The following EPN2 variants were observed in gnomAD, a reference collection of about 807,000 sequenced individuals.
The protein encoded by EPN2 is epsin 2.
Under a neutral mutation model 61.7 loss-of-function variants are expected in EPN2, and 34 were observed. That is an observed-to-expected ratio of 0.55 (90% CI 0.42 to 0.73). The LOEUF (loss-of-function observed/expected upper bound fraction) is 0.73. EPN2 is among the 30% of genes least tolerant of loss of function. The pLI is 0.00. For missense variants in EPN2, 714 were observed against 839.2 expected, an observed-to-expected ratio of 0.85 and a Z score of 1.84; for synonymous variants, 349 against 353.6, an observed-to-expected ratio of 0.99 and a Z score of 0.15.
intron 1 of EPN2, among the ~76,000 whole-genome samples, chr17:19,249,159 T>C (rs761303395): frequency 5.3e-5 from 8 of 152,182 alleles, no homozygotes; most frequent in African/African-American, 1.9e-4. Context: ...ACTGTGGGCC[T>C]TCCACCCCAC....
chr17:19,285,867 A>G lies in EPN2; in HGVS notation c.766+77A>G, dbSNP rs956066429. 1 of 1,443,040 alleles carries G rather than the reference A, an allele frequency of 6.9e-7. No homozygotes were observed. Among genetic ancestry groups the G allele is most frequent in the African/African-American group, 1.4e-5 (1 of 69,728 alleles). The allele number at this position is 1,443,040 out of a possible 1,614,324, so 89.4% of individuals were successfully genotyped here. A position where few individuals can be genotyped will look rare whatever the true frequency, so the allele number is the denominator to read the frequency against. On this transcript the variant is annotated intron_variant, in intron 4 of 10. Transcript: ENST00000314728. The surrounding 1 kb of genome is among the most constrained non-coding windows in gnomAD (Gnocchi z 4.5). Reference sequence around the variant, plus strand: ...GGGGGTGTGCTTGCCATGCCAGTACAGCCAACTCTCTCCCTGTCTCCTCTG... The same window carrying G: ...GGGGGTGTGCTTGCCATGCCAGTACGGCCAACTCTCTCCCTGTCTCCTCTG...
chr17:19,255,988 A>G (rs1481054238), intron 1 of EPN2, among the ~76,000 whole-genome samples: 1 of 151,616 alleles, frequency 6.6e-6, no homozygotes, highest in Non-Finnish European at 1.5e-5. Context: ...CCCAGGCTGG[A>G]GTGCAGGGGC....
intron 5 of EPN2, among the ~76,000 whole-genome samples, chr17:19,311,012 G>T (rs1567864068): frequency 6.6e-6 from 1 of 152,150 alleles, no homozygotes; most frequent in Non-Finnish European, 1.5e-5. Flanking sequence ...GGTTAAAAAA[G>T]GTAGATGGGA....
intron 6 of EPN2, 56 bp from the exon 7 acceptor site, chr17:19,313,049 G>T: frequency 1.3e-6 from 2 of 1,568,070 alleles, no homozygotes; most frequent in Non-Finnish European, 1.7e-6. Flanking sequence ...TAGTTCATGA[G>T]TATTTGCTGT....
At chr17:19,322,273 T>C (rs1445075651) in intron 7 of EPN2, among the ~76,000 whole-genome samples, 4 of 152,084 alleles carry the variant, frequency 2.6e-5, no homozygotes, top group Admixed American at 2.6e-4. Flanking sequence ...GGCACAAGTA[T>C]CCATGGGATG....
chr17:19,321,432 T>C (rs140050295), intron 7 of EPN2, among the ~76,000 whole-genome samples: 17 of 152,006 alleles, frequency 1.1e-4, no homozygotes, highest in Non-Finnish European at 2.1e-4. Context: ...GGGACTGGAG[T>C]TGGGGACACT....
chr17:19,249,517 T>C (rs939302365), intron 1 of EPN2: 1 of 152,342 alleles, frequency 6.6e-6, no homozygotes, highest in South Asian at 2.1e-4. Context: ...TTTATGACCA[T>C]GTGGTAAAGG....
intron 4 of EPN2, among the ~76,000 whole-genome samples, chr17:19,288,515 T>A (rs2045427254): frequency 6.6e-6 from 1 of 152,080 alleles, no homozygotes; most frequent in South Asian, 2.1e-4. Flanking sequence ...AGGGTGAGCC[T>A]TGTGGAGGTT....
chr17:19,269,769 G>T (rs1050271116), intron 1 of EPN2, among the ~76,000 whole-genome samples: 1 of 152,146 alleles, frequency 6.6e-6, no homozygotes, highest in Non-Finnish European at 1.5e-5. Context: ...GACTTCCAAG[G>T]CCCTTCTAGC....
At chr17:19,321,823 G>A (rs764969533) in intron 7 of EPN2, among the ~76,000 whole-genome samples, 1 of 152,114 alleles carries the variant, frequency 6.6e-6, no homozygotes, top group Admixed American at 6.5e-5. Context: ...CAGGTCTCCC[G>A]TGTCCTCTGT....
intron 1 of EPN2, among the ~76,000 whole-genome samples, chr17:19,239,376 TC>T (rs1359227028): frequency 3.9e-5 from 6 of 152,250 alleles, no homozygotes. Context: ...GGTCTCGAAC[TC>T]CTGACCTCAT....
In EPN2 at chr17:19,325,805, G is replaced by A. The variant is rs28852813; in HGVS notation, c.1148-2906G>A. Among the ~76,000 whole-genome samples the A allele has an allele frequency of 9.8e-5, 14 of 142,900 alleles. 1 individual carries two copies. The highest frequency in any genetic ancestry group is 3.7e-4 in the African/African-American group (14 of 37,998). 93.7% of individuals were successfully genotyped at this position (142,900 alleles called of 152,430 possible). A position where few individuals can be genotyped will look rare whatever the true frequency, so the allele number is the denominator to read the frequency against. The stretch of plus-strand genomic sequence containing the variant: ...TAAATAGTCATCATTTGCAGGTGAT[G>A]GGATTGTACATAGAACATGAAAAAA... On this transcript the variant is annotated intron_variant, in intron 7 of 10. Coordinates refer to ENST00000314728, the MANE Select transcript of EPN2 (RefSeq NM_014964.5).
chr17:19,258,111 GAGGGAAGAGGAATAAGCACTGACT>G (rs2152206490), intron 1 of EPN2: 1 of 157,580 alleles, frequency 6.3e-6, no homozygotes, highest in African/African-American at 2.4e-5. Context: ...AGATGTGGGT[GAGGGAAGAGGAATAAGCACTGACT>G]CAGGTGGCTG....
chr17:19,321,084 G>C (rs6587216), intron 7 of EPN2, among the ~76,000 whole-genome samples: 111,091 of 152,114 alleles, frequency 0.73, 42,622 homozygotes, highest in Non-Finnish European at 0.81. Flanking sequence ...GAAGGGTTTT[G>C]AGCTGGGTTT....
At chr17:19,259,464 C>G (rs1385701680) in intron 1 of EPN2, among the ~76,000 whole-genome samples, 1 of 152,000 alleles carries the variant, frequency 6.6e-6, no homozygotes, top group Non-Finnish European at 1.5e-5. Flanking sequence ...AGGCGCCTGC[C>G]ACCACGCCTG....
intron 9 of EPN2, among the ~76,000 whole-genome samples, chr17:19,331,534 A>G (rs2152240697): frequency 1.3e-5 from 2 of 152,236 alleles, no homozygotes; most frequent in South Asian, 2.1e-4. Context: ...AAAAAAAAGT[A>G]AATTGCCCAT....
In EPN2 at chr17:19,283,159, G is replaced by A. The variant is rs138967323; in HGVS notation, c.40G>A (p.Val14Met). The change falls in exon 3 of 11, where the codon GTG becomes ATG. Residue 14 changes from valine to methionine, a missense_variant. Around this residue, in one of 2 missense-constraint regions of EPN2, gnomAD observed 304 missense variants for 417.4 expected, o/e 0.73. Transcript: ENST00000314728. This position sits in a 1 kb window ranked among gnomAD's most constrained non-coding sequence, Gnocchi z 7.0. ...TATCAGACGGCAGATGAAAAACATC[G>A]TGAACAATTACTCAGAGGCAGAAAT... ...SSIRRQMKNI[V>M]NNYSEAEIKV... The A allele has an allele frequency of 1.2e-5, 19 of 1,612,872 alleles. No individual in the cohort carries two copies. The highest frequency in any genetic ancestry group is 3.4e-5 in the Admixed American group (2 of 59,684).
chr17:19,321,034 A>T (rs1906614411), intron 7 of EPN2, among the ~76,000 whole-genome samples: 1 of 152,212 alleles, frequency 6.6e-6, no homozygotes, highest in Non-Finnish European at 1.5e-5. Context: ...AGGGGGACAG[A>T]TGCAGTCTCA....
At chr17:19,239,906 C>T (rs4924956) in intron 1 of EPN2, among the ~76,000 whole-genome samples, 4,265 of 152,244 alleles carry the variant, frequency 0.028, 306 homozygotes, top group South Asian at 0.17. Flanking sequence ...CACTAACCCT[C>T]TTCCATAATG....
Sources: gnomAD v4.1 joint callset for allele counts (sites outside exome capture counted in the v4.1 genomes callset) on GRCh38, gnomAD v4.1.1 for gene constraint, gnomAD v4.1.1 regional missense constraint, Gnocchi (gnomAD v3.1) non-coding constraint, MANE v1.5 for transcripts, NCBI Gene and HGNC (gene_info 2026-07-23, HGNC 2026-07-21) for gene names.